The following TSG101 variants were observed in gnomAD, a reference collection of about 807,000 sequenced individuals.
TSG101 encodes tumor susceptibility gene 101 protein.
TSG101 carries 19 observed loss-of-function variants against 48.5 expected under a neutral mutation model. That is an observed-to-expected ratio of 0.39 (90% CI 0.27 to 0.58). The LOEUF (loss-of-function observed/expected upper bound fraction) is 0.58. Among genes scored for constraint, TSG101 ranks in the 20% least tolerant of loss-of-function variants. The pLI is 0.55. For missense variants in TSG101, 365 were observed against 484.4 expected (o/e 0.75, Z 2.31); for synonymous variants, 174 against 169.4 (o/e 1.03, Z -0.21).
At chr11:18,515,341 T>C (rs1282140556) in intron 3 of TSG101, among the ~76,000 whole-genome samples, 1 of 152,214 alleles carries the variant, frequency 6.6e-6, no homozygotes, top group Admixed American at 6.5e-5. Context: ...GCCTTATGAA[T>C]AGCAGGTACT....
intron 7 of TSG101, among the ~76,000 whole-genome samples, chr11:18,489,542 C>T (rs1590271900): frequency 2.0e-5 from 3 of 152,194 alleles, no homozygotes; most frequent in Non-Finnish European, 4.4e-5. Flanking sequence ...AAAGTGAACA[C>T]ACTGCAGTAG....
At chr11:18,480,979 G>C (rs1439690390) in intron 9 of TSG101, among the ~76,000 whole-genome samples, 1 of 152,130 alleles carries the variant, frequency 6.6e-6, no homozygotes, top group Non-Finnish European at 1.5e-5. Context: ...GAGGCACATG[G>C]TTTGGCCATT....
intron 2 of TSG101, among the ~76,000 whole-genome samples, chr11:18,517,982 T>C (rs2133931385): frequency 6.6e-6 from 1 of 152,368 alleles, no homozygotes; most frequent in African/African-American, 2.4e-5. Context: ...TCCAGCCACA[T>C]GAAACTATAC....
At chr11:18,517,667 T>C (rs980275839) in intron 2 of TSG101, among the ~76,000 whole-genome samples, 1 of 152,230 alleles carries the variant, frequency 6.6e-6, no homozygotes, top group Non-Finnish European at 1.5e-5. Context: ...CTGGTATAGG[T>C]TGTAGCCTAG....
At chr11:18,517,033 C>T (rs1339312201) in intron 2 of TSG101, among the ~76,000 whole-genome samples, 1 of 152,098 alleles carries the variant, frequency 6.6e-6, no homozygotes, top group Non-Finnish European at 1.5e-5. Context: ...GACATTTATC[C>T]CTAGTCGCTC....
rs202129487 is a variant in TSG101, at chr11:18,521,669, CCTT to C, written c.43-2069_43-2067del. On this transcript the variant is annotated intron_variant, in intron 1 of 9. Coordinates refer to ENST00000251968, the MANE Select transcript of TSG101 (RefSeq NM_006292.4). Reference sequence around the variant, plus strand: ...TATGAACCACTGCACCTGGCCCCTTCCTTTTTTTTTTTTTTTTTTTTTTTTTTG... The same window carrying C: ...TATGAACCACTGCACCTGGCCCCTTCTTTTTTTTTTTTTTTTTTTTTTTTG... 1.2e-3 allele frequency among the ~76,000 whole-genome samples: 131 copies of C among 111,450 alleles called. 4 individuals carry two copies. The highest frequency in any genetic ancestry group is 5.6e-3 in the Middle Eastern group (1 of 180). The allele number at this position is 111,450 out of a possible 152,430, so 73.1% of individuals were successfully genotyped here. A position where few individuals can be genotyped will look rare whatever the true frequency, so the allele number is the denominator to read the frequency against.
intron 7 of TSG101, among the ~76,000 whole-genome samples, chr11:18,486,233 C>T (rs1274130757): frequency 6.6e-6 from 1 of 152,232 alleles, no homozygotes; most frequent in Non-Finnish European, 1.5e-5. Flanking sequence ...AGGACAAGAA[C>T]TCGGGAACCA....
intron 3 of TSG101, among the ~76,000 whole-genome samples, chr11:18,515,486 T>G (rs1850155627): frequency 6.6e-6 from 1 of 152,140 alleles, no homozygotes; most frequent in South Asian, 2.1e-4. Context: ...CAGCAGAGGG[T>G]GAAAGACAGG....
At chr11:18,509,435 G>T in intron 5 of TSG101, 107 bp downstream of exon 5, 1 of 1,405,866 alleles carries the variant, frequency 7.1e-7, no homozygotes, top group South Asian at 1.6e-5. Flanking sequence ...CCACTAGCTT[G>T]ATAAACTAAA....
intron 1 of TSG101, 116 bp from the exon 2 acceptor site, chr11:18,519,719 G>T: frequency 1.4e-6 from 1 of 720,408 alleles, no homozygotes; most frequent in Non-Finnish European, 2.3e-6. Flanking sequence ...AAGCCTGAAA[G>T]AACCTAAAAA....
Position 18,511,656 on chromosome 11 carries a change from T to A in TSG101, c.358-1991A>T, listed in dbSNP as rs568569988. Among the ~76,000 whole-genome samples the A allele has an allele frequency of 3.3e-5, 5 of 152,314 alleles. No homozygotes were observed. In the South Asian group the frequency reaches 1.0e-3, roughly 32 times the overall value. On this transcript the variant is annotated intron_variant, in intron 4 of 9. Transcript: ENST00000251968. ...TAGGTGAAATATAATTCACATCCCA[T>A]AAACTTTCTCCTTTTAAAGTATACA...
chr11:18,500,615 C>T (rs1417511137), intron 7 of TSG101, among the ~76,000 whole-genome samples: 1 of 151,972 alleles, frequency 6.6e-6, no homozygotes, highest in East Asian at 1.9e-4. Flanking sequence ...ACCTGTTGGC[C>T]ATTTGTATGT....
chr11:18,504,264 C>T lies in TSG101; in HGVS notation c.549-1687G>A, dbSNP rs369390481. On this transcript the variant is annotated intron_variant, in intron 6 of 9. Transcript: ENST00000251968. ...GAGCAAGAGCTCCTTCTGAGTTTAT[C>T]GTCAATAATCCTTTTTCAATGCAGT... 4.0e-5 allele frequency among the ~76,000 whole-genome samples: 6 copies of T among 149,936 alleles called. No homozygotes were observed. The East Asian group carries it at 7.8e-4, about 20-fold the overall frequency.
intron 3 of TSG101, 72 bp from the exon 4 acceptor site, chr11:18,514,913 G>C (rs1272073318): frequency 7.3e-7 from 1 of 1,375,986 alleles, no homozygotes; most frequent in African/African-American, 1.5e-5. Context: ...TAAAGGAACA[G>C]AGGTTTAGTC....
chr11:18,522,348 G>A (rs1850291320), intron 1 of TSG101, among the ~76,000 whole-genome samples: 1 of 152,116 alleles, frequency 6.6e-6, no homozygotes, highest in South Asian at 2.1e-4. Flanking sequence ...TACTTCTCCA[G>A]TGTCTTCCAT....
chr11:18,523,016 A>G (rs1850303991), intron 1 of TSG101, among the ~76,000 whole-genome samples: 2 of 151,882 alleles, frequency 1.3e-5, no homozygotes, highest in Non-Finnish European at 1.5e-5. Flanking sequence ...CAGCCTCCCA[A>G]CCAGCTGGGA....
intron 1 of TSG101, chr11:18,525,800 T>G (rs1850362565): frequency 1.9e-6 from 1 of 531,470 alleles, no homozygotes; most frequent in Admixed American, 6.4e-5. Flanking sequence ...CATTTTCTCC[T>G]TAGAGATTAT....
chr11:18,506,077 G>A (rs72871737), intron 6 of TSG101, among the ~76,000 whole-genome samples: 24,708 of 151,946 alleles, frequency 0.16, 2,614 homozygotes, highest in East Asian at 0.41. Flanking sequence ...CGCCTGCATC[G>A]GCCTCCGAAA....
Position 18,480,393 on chromosome 11 carries a change from G to C in TSG101, c.*153C>G, listed in dbSNP as rs534023435. 1 of 584,472 alleles carries C rather than the reference G, an allele frequency of 1.7e-6. No individual in the cohort carries two copies. The highest frequency in any genetic ancestry group is 2.9e-6 in the Non-Finnish European group (1 of 349,666). 36.2% of individuals were successfully genotyped at this position (584,472 alleles called of 1,614,324 possible). A position where few individuals can be genotyped will look rare whatever the true frequency, so the allele number is the denominator to read the frequency against. On this transcript the variant is annotated 3_prime_UTR_variant, in exon 10 of 10. Coordinates refer to ENST00000251968, the MANE Select transcript of TSG101 (RefSeq NM_006292.4). ...ATAGAAAGTGCATTAATAAAAGCCA[G>C]TCTTTACCAAAAGAAAACAGAAAAT... is the stretch of plus-strand genomic sequence containing the variant.
Sources: allele counts gnomAD v4.1 joint callset (sites outside exome capture counted in the v4.1 genomes callset), GRCh38; gene constraint gnomAD v4.1.1; transcripts MANE v1.5; gene names NCBI Gene and HGNC (gene_info 2026-07-23, HGNC 2026-07-21).